Variants in SYNJ2 observed in about 807,000 individuals in gnomAD.
SYNJ2 encodes the protein polyphosphatidylinositol phosphatase SYNJ2.
In SYNJ2, 116 loss-of-function variants were observed where a neutral mutation model predicts 141.3. That is an observed-to-expected ratio of 0.82 (90% CI 0.71 to 0.96). The LOEUF is 0.96. Among genes scored for constraint, SYNJ2 ranks in the 40% least tolerant of loss-of-function variants. The probability of loss-of-function intolerance (pLI) is 0.00; values close to 1 mark genes in which losing one functional copy is unlikely to be tolerated. For synonymous variants in SYNJ2, 745 were observed against 777.7 expected, an observed-to-expected ratio of 0.96 and a Z score of 0.70; for missense variants, 1,873 against 1,934.8, an observed-to-expected ratio of 0.97 and a Z score of 0.60.
chr6:158,086,333 G>A (rs555616257), intron 22 of SYNJ2, among the ~76,000 whole-genome samples: 78 of 152,288 alleles, frequency 5.1e-4, no homozygotes, highest in African/African-American at 1.9e-3. Flanking sequence ...GGTCAAGATG[G>A]CAGACCCTTG....
At chr6:158,006,995 T>G (rs921683845) in intron 1 of SYNJ2, among the ~76,000 whole-genome samples, 5 of 151,954 alleles carry the variant, frequency 3.3e-5, no homozygotes, top group Admixed American at 2.0e-4. Context: ...AGACAGTGTC[T>G]CACTCTGTCA....
Position 158,078,284 on chromosome 6 carries a change from G to A in SYNJ2, c.2567+3G>A, listed in dbSNP as rs199717251. The A allele has an allele frequency of 1.2e-6, 2 of 1,602,350 alleles. No individual in the cohort carries two copies. The highest frequency in any genetic ancestry group is 1.1e-5 in the South Asian group (1 of 90,742). On this transcript the variant is annotated splice_donor_region_variant and intron_variant, in intron 18 of 26. Transcript: ENST00000355585. ...GAGCTACAAGCGTCTGATCACAGGT[G>A]AGGTCCTGACTTCCATGGCGTTTTC...
chr6:158,082,866 T>G (rs2128390602), intron 20 of SYNJ2, among the ~76,000 whole-genome samples: 1 of 152,336 alleles, frequency 6.6e-6, no homozygotes. Flanking sequence ...ATGCAGCTCA[T>G]AGATAGTTTC....
intron 1 of SYNJ2, among the ~76,000 whole-genome samples, chr6:158,001,944 C>G (rs1486903074): frequency 6.6e-6 from 1 of 152,172 alleles, no homozygotes; most frequent in African/African-American, 2.4e-5. Flanking sequence ...TTGGTTTTCC[C>G]ATGTGACGAG....
In SYNJ2 at chr6:157,981,974, A is replaced by G. The variant is rs1777028343; in HGVS notation, c.13A>G (p.Lys5Glu). The G allele has an allele frequency of 2.4e-6, 3 of 1,264,020 alleles. No homozygotes were observed. The highest frequency in any genetic ancestry group is 1.0e-6 in the Non-Finnish European group (1 of 1,005,000). The allele number at this position is 1,264,020 out of a possible 1,614,324, so 78.3% of individuals were successfully genotyped here. The stretch of plus-strand genomic sequence containing the variant: ...GGGCCCGACCCTCATGGCCCTGAGC[A>G]AAGGGCTGCGGCTGCTGGGGCGCCT... The part of the protein sequence containing the change: MALS[K>E]GLRLLGRLGA... Residue 5 changes from lysine (K) to glutamate (E), a missense_variant, in exon 1 of 27, where the codon AAA (lysine) becomes GAA (glutamate). By Grantham distance (56) the Lys-to-Glu change is moderately conservative. Transcript: ENST00000355585. The surrounding 1 kb of genome is among the most constrained non-coding windows in gnomAD (Gnocchi z 6.4).
intron 9 of SYNJ2, 70 bp from the exon 10 acceptor site, chr6:158,064,531 C>A (rs1019582391): frequency 3.4e-5 from 53 of 1,570,086 alleles, no homozygotes; most frequent in Non-Finnish European, 4.2e-5. Context: ...GAATAAGGAA[C>A]CTCCTGGGAC....
rs182286787 is a variant in SYNJ2, at chr6:158,084,952, A to G, written c.3208+778A>G. On this transcript the variant is annotated intron_variant, in intron 22 of 26. Coordinates refer to ENST00000355585, the MANE Select transcript of SYNJ2 (RefSeq NM_003898.4). This position sits in a 1 kb window ranked among gnomAD's most constrained non-coding sequence, Gnocchi z 5.0. The stretch of plus-strand genomic sequence containing the variant: ...TCATGTCATACGGTCACATCATTGT[A>G]TCATTTTAGACTTCAGAGGGCCTGA... 3.3e-5 allele frequency among the ~76,000 whole-genome samples: 5 copies of G among 151,884 alleles called. No individual in the cohort carries two copies. The East Asian group carries it at 9.7e-4, about 29-fold the overall frequency.
intron 25 of SYNJ2, among the ~76,000 whole-genome samples, chr6:158,090,692 G>T (rs373209412): frequency 6.6e-6 from 1 of 151,582 alleles, no homozygotes; most frequent in African/African-American, 2.4e-5. Flanking sequence ...CTACAGGCGC[G>T]CAGCCCCATG....
intron 6 of SYNJ2, among the ~76,000 whole-genome samples, chr6:158,058,652 C>T (rs1379467775): frequency 6.6e-6 from 1 of 152,218 alleles, no homozygotes; most frequent in Non-Finnish European, 1.5e-5. Flanking sequence ...CTAGCCCAGG[C>T]ACGGTGGCTT....
intron 17 of SYNJ2, chr6:158,077,853 C>T: frequency 4.8e-6 from 1 of 208,614 alleles, no homozygotes; most frequent in East Asian, 1.3e-4. Context: ...ATACCAATTG[C>T]TGCCAACCTT....
At chr6:158,083,718 C>A in intron 21 of SYNJ2, 121 bp downstream of exon 21, 1 of 1,315,144 alleles carries the variant, frequency 7.6e-7, no homozygotes. Context: ...AGGGCAAGCC[C>A]TCTGTCCCAT....
intron 2 of SYNJ2, among the ~76,000 whole-genome samples, chr6:158,023,508 C>T (rs529072927): frequency 2.2e-4 from 33 of 152,246 alleles, no homozygotes; most frequent in Admixed American, 1.9e-3. Context: ...ACCCGTCCCA[C>T]CAACTGTCTG....
chr6:158,089,321 TA>T (rs1315750700), intron 24 of SYNJ2, among the ~76,000 whole-genome samples: 2 of 151,930 alleles, frequency 1.3e-5, no homozygotes, highest in Non-Finnish European at 2.9e-5. Flanking sequence ...AGCTGGGTGC[TA>T]GGGGGAAACT....
rs1197919673 is a variant in SYNJ2 at position 158,071,982 on chromosome 6, G to T, written c.2133+188G>T. ...TGACCTGGGGCAGGGTTAGCCACGT[G>T]CCTGGAGGGGGCCAGCTTTGCAGCA... On this transcript the variant is annotated intron_variant, in intron 15 of 26. Coordinates refer to ENST00000355585, the MANE Select transcript of SYNJ2 (RefSeq NM_003898.4). This position sits in a 1 kb window ranked among gnomAD's most constrained non-coding sequence, Gnocchi z 4.3. Among the ~76,000 whole-genome samples the T allele has an allele frequency of 6.6e-6, 1 of 152,214 alleles. No individual in the cohort carries two copies. Among genetic ancestry groups the T allele is most frequent in the Non-Finnish European group, 1.5e-5 (1 of 68,040 alleles).
chr6:158,023,316 ACAGT>A (rs1274037508), intron 2 of SYNJ2, among the ~76,000 whole-genome samples: 1 of 151,828 alleles, frequency 6.6e-6, no homozygotes, highest in Non-Finnish European at 1.5e-5. Flanking sequence ...TACAGAGAAC[ACAGT>A]CAGGCAGTCA....
chr6:158,007,567 A>G (rs1185950990), intron 1 of SYNJ2, among the ~76,000 whole-genome samples: 2 of 152,190 alleles, frequency 1.3e-5, no homozygotes, highest in Non-Finnish European at 2.9e-5. Context: ...CCTTCAAAAT[A>G]TACCCAGATA....
Position 158,096,230 on chromosome 6 carries a change from T to C in SYNJ2, c.4357T>C (p.Ser1453Pro). Residue 1453 changes from serine to proline, a missense_variant, in exon 27 of 27, where the codon TCA becomes CCA. By Grantham distance (74) the Ser-to-Pro change is moderately conservative. Coordinates refer to ENST00000355585, the MANE Select transcript of SYNJ2 (RefSeq NM_003898.4). ...SPKRDPIDPV[S>P]AGASAAKAEL... ...CAAAAGAGATCCCATAGACCCAGTGTCAGCTGGCGCTTCAGCTGCCAAGGC... is the reference window on the plus strand; with the variant it reads ...CAAAAGAGATCCCATAGACCCAGTGCCAGCTGGCGCTTCAGCTGCCAAGGC... 6.2e-7 allele frequency: 1 copy of C among 1,614,242 alleles called. No individual in the cohort carries two copies.
At chr6:158,092,778 GA>G (rs981881392) in intron 25 of SYNJ2, 147 bp from the exon 26 acceptor site, 7 of 771,250 alleles carry the variant, frequency 9.1e-6, no homozygotes, top group Admixed American at 3.6e-5. Context: ...AAAGAAAAAA[GA>G]AAAAAAGCTG....
intron 2 of SYNJ2, chr6:158,017,522 C>A (rs1051986110): frequency 1.5e-5 from 8 of 542,928 alleles, no homozygotes; most frequent in African/African-American, 1.2e-4. Context: ...TCAAGCAATT[C>A]TCCTGCCTCA....
Sources: gnomAD v4.1 joint callset for allele counts (sites outside exome capture counted in the v4.1 genomes callset) on GRCh38, gnomAD v4.1.1 for gene constraint, Gnocchi (gnomAD v3.1) non-coding constraint, MANE v1.5 for transcripts, NCBI Gene and HGNC (gene_info 2026-07-23, HGNC 2026-07-21) for gene names.